The following PHF20 variants were observed in gnomAD, a reference collection of about 807,000 sequenced individuals.
PHF20 encodes glioma-expressed antigen 2.
In PHF20, 23 loss-of-function variants were observed where a neutral mutation model predicts 113.5. That is an observed-to-expected ratio of 0.20 (90% CI 0.15 to 0.29). The LOEUF is 0.29. Ranked by LOEUF, PHF20 falls within the 10% of genes least tolerant of loss-of-function variation. The probability of loss-of-function intolerance (pLI) is 1.00; values close to 1 mark genes in which losing one functional copy is unlikely to be tolerated. For missense variants in PHF20, 943 were observed against 1,219.6 expected (o/e 0.77, Z 3.38); for synonymous variants, 434 against 457.3 (o/e 0.95, Z 0.65).
rs1370175543 is a variant in PHF20 at position 35,948,666 on chromosome 20, C to T, written c.*1039C>T. The T allele has an allele frequency of 6.6e-6, 1 of 152,626 alleles. No individual in the cohort carries two copies. Among genetic ancestry groups the T allele is most frequent in the Non-Finnish European group, 1.5e-5 (1 of 68,030 alleles). The allele number at this position is 152,626 out of a possible 1,614,324, so 9.5% of individuals were successfully genotyped here. ...TTGTGAGAGCAAGGTGATCATGCTGCTTAAGGTCCAGGTACAACCTATTTG... is the reference window on the plus strand; with the variant it reads ...TTGTGAGAGCAAGGTGATCATGCTGTTTAAGGTCCAGGTACAACCTATTTG... On this transcript the variant is annotated 3_prime_UTR_variant, in exon 18 of 18. Coordinates refer to ENST00000374012, the MANE Select transcript of PHF20 (RefSeq NM_016436.5).
At chr20:35,814,503 C>T (rs966382683) in intron 2 of PHF20, among the ~76,000 whole-genome samples, 3 of 151,434 alleles carry the variant, frequency 2.0e-5, no homozygotes, top group African/African-American at 4.8e-5. Flanking sequence ...AGGCGTGAAC[C>T]GCTGCGCCCG....
chr20:35,865,171 C>T (rs897595516), intron 6 of PHF20, among the ~76,000 whole-genome samples: 7 of 151,654 alleles, frequency 4.6e-5, no homozygotes, highest in Non-Finnish European at 8.8e-5. Context: ...CCAGCTTGGG[C>T]GACAAAACAA....
chr20:35,897,990 C>T (rs1193799438), intron 9 of PHF20, among the ~76,000 whole-genome samples: 4 of 152,038 alleles, frequency 2.6e-5, no homozygotes, highest in Non-Finnish European at 4.4e-5. Context: ...ATTCTTCTGC[C>T]TCAACCTCCC....
chr20:35,918,791 A>G (rs1400535483), intron 13 of PHF20, among the ~76,000 whole-genome samples: 2 of 152,172 alleles, frequency 1.3e-5, no homozygotes, highest in African/African-American at 4.8e-5. Flanking sequence ...CAGATTATCG[A>G]CAGGGGCAAA....
chr20:35,934,825 C>T (rs1321850084), intron 15 of PHF20, among the ~76,000 whole-genome samples: 2 of 152,162 alleles, frequency 1.3e-5, no homozygotes, highest in Non-Finnish European at 2.9e-5. Context: ...AACCAAATGA[C>T]GGCCCTGGAT....
chr20:35,847,523 C>T, intron 4 of PHF20, 89 bp downstream of exon 4: 1 of 822,066 alleles, frequency 1.2e-6, no homozygotes, highest in East Asian at 2.5e-5. Flanking sequence ...AGTATATTTT[C>T]AGTATTTATT....
At chr20:35,926,650 A>G (rs1012686547) in intron 13 of PHF20, among the ~76,000 whole-genome samples, 21 of 152,170 alleles carry the variant, frequency 1.4e-4, no homozygotes, top group Admixed American at 1.4e-3. Context: ...TGAAGAATCT[A>G]AAACAGATAT....
chr20:35,928,024 A>G (rs1329284789), intron 14 of PHF20, 145 bp downstream of exon 14: 1 of 666,856 alleles, frequency 1.5e-6, no homozygotes, highest in East Asian at 2.7e-5. Flanking sequence ...CTCTGTTGCT[A>G]TCCTGCCTTG....
intron 1 of PHF20, among the ~76,000 whole-genome samples, chr20:35,797,515 A>G (rs1323564218): frequency 6.8e-6 from 1 of 146,536 alleles, no homozygotes; most frequent in Non-Finnish European, 1.5e-5. Flanking sequence ...CCCTGTCTCA[A>G]AAAAAAAAAA....
chr20:35,858,828 C>T (rs1418019105), intron 5 of PHF20, among the ~76,000 whole-genome samples: 1 of 152,214 alleles, frequency 6.6e-6, no homozygotes, highest in Non-Finnish European at 1.5e-5. Flanking sequence ...CTGCCTTGGC[C>T]TCCCAAGGTG....
At chr20:35,850,065 A>C (rs912176353) in intron 4 of PHF20, among the ~76,000 whole-genome samples, 1 of 152,188 alleles carries the variant, frequency 6.6e-6, no homozygotes, top group Non-Finnish European at 1.5e-5. Flanking sequence ...AATAGGGCAT[A>C]TAATGCCATA....
intron 15 of PHF20, among the ~76,000 whole-genome samples, chr20:35,933,431 C>CT (rs1272771926): frequency 6.6e-6 from 1 of 151,498 alleles, no homozygotes; most frequent in African/African-American, 2.4e-5. Context: ...GAGTCTCGCT[C>CT]TGTCACCCAG....
At chr20:35,918,669 A>G (rs1180782754) in intron 13 of PHF20, among the ~76,000 whole-genome samples, 2 of 152,196 alleles carry the variant, frequency 1.3e-5, no homozygotes, top group African/African-American at 4.8e-5. Context: ...CCAAATTTAG[A>G]TCAGATATTA....
chr20:35,870,784 C>T (rs190908839), intron 7 of PHF20, among the ~76,000 whole-genome samples, 171 bp from the exon 8 acceptor site: 69 of 152,234 alleles, frequency 4.5e-4, no homozygotes, highest in African/African-American at 1.4e-3. Flanking sequence ...GACACTTTTC[C>T]CTTACTTAAA....
chr20:35,946,480 C>T (rs2147140497), intron 17 of PHF20, among the ~76,000 whole-genome samples: 1 of 151,850 alleles, frequency 6.6e-6, no homozygotes, highest in South Asian at 2.1e-4. Context: ...AAAATAATAA[C>T]AGAGTATTCT....
At chr20:35,918,777 C>G (rs1467731285) in intron 13 of PHF20, among the ~76,000 whole-genome samples, 1 of 152,160 alleles carries the variant, frequency 6.6e-6, no homozygotes, top group Non-Finnish European at 1.5e-5. Flanking sequence ...GGTAGTAGAG[C>G]TTACAGATTA....
At chr20:35,825,784 G>A (rs1173361782) in intron 2 of PHF20, among the ~76,000 whole-genome samples, 2 of 152,124 alleles carry the variant, frequency 1.3e-5, no homozygotes, top group Non-Finnish European at 2.9e-5. Context: ...CTCCTGTGTA[G>A]TTGGGATTAT....
At chr20:35,789,163 C>T (rs1007932016) in intron 1 of PHF20, among the ~76,000 whole-genome samples, 1 of 152,036 alleles carries the variant, frequency 6.6e-6, no homozygotes, top group Non-Finnish European at 1.5e-5. Flanking sequence ...TGCCTTTAAC[C>T]CCAGCACTTT....
At chr20:35,897,819 G>A (rs141122633) in intron 9 of PHF20, among the ~76,000 whole-genome samples, 1,512 of 150,956 alleles carry the variant, frequency 0.01, 29 homozygotes, top group African/African-American at 0.035. Flanking sequence ...TGCCTGCCTC[G>A]GCCTCCTAAA....
Sources: gnomAD v4.1 joint callset for allele counts (sites outside exome capture counted in the v4.1 genomes callset) on GRCh38, gnomAD v4.1.1 for gene constraint, MANE v1.5 for transcripts, NCBI Gene and HGNC (gene_info 2026-07-23, HGNC 2026-07-21) for gene names.